PCDHGA12: variants seen among roughly 807,000 people sequenced by gnomAD.
PCDHGA12 encodes protocadherin gamma-A12.
A neutral mutation model predicts 61.1 loss-of-function variants in PCDHGA12; 43 were observed. The ratio of observed to expected loss-of-function variants is 0.70; its 90% confidence interval spans 0.55 to 0.91. The LOEUF (loss-of-function observed/expected upper bound fraction) is 0.91. Ranked by LOEUF, PCDHGA12 falls within the 40% of genes least tolerant of loss-of-function variation. The pLI is 0.00. For synonymous variants in PCDHGA12, 520 were observed against 542.9 expected (o/e 0.96, Z 0.59); for missense variants, 1,236 against 1,227.7 (o/e 1.01, Z -0.10).
Position 141,489,173 on chromosome 5 carries a change from C to T in PCDHGA12, c.2425-5634C>T. 8.3e-7 allele frequency: 1 copy of T among 1,208,434 alleles called. No individual in the cohort carries two copies. Among genetic ancestry groups the T allele is most frequent in the Non-Finnish European group, 1.2e-6 (1 of 860,944 alleles). The allele number at this position is 1,208,434 out of a possible 1,614,324, so 74.9% of individuals were successfully genotyped here. ...CATAAGAGACTTCAGCTGCTGCATTCCAAGCCCTGGGTCTACCTTGGAGAC... is the reference window on the plus strand; with the variant it reads ...CATAAGAGACTTCAGCTGCTGCATTTCAAGCCCTGGGTCTACCTTGGAGAC... On this transcript the variant is annotated intron_variant, in intron 1 of 3. Coordinates refer to ENST00000252085, the MANE Select transcript of PCDHGA12 (RefSeq NM_003735.3). The surrounding 1 kb of genome is among the most constrained non-coding windows in gnomAD (Gnocchi z 4.5).
chr5:141,451,322 T>C (rs1452969719), intron 1 of PCDHGA12, among the ~76,000 whole-genome samples: 1 of 152,236 alleles, frequency 6.6e-6, no homozygotes, highest in African/African-American at 2.4e-5. Flanking sequence ...AAGTGTCACC[T>C]AAGGCTATTG....
chr5:141,463,616 T>C (rs941383375), intron 1 of PCDHGA12, among the ~76,000 whole-genome samples: 28 of 151,762 alleles, frequency 1.8e-4, no homozygotes, highest in Non-Finnish European at 2.1e-4. Flanking sequence ...GCCCGGCTAA[T>C]TTTTTGTATT....
At position 141,455,301 on chromosome 5, in the gene PCDHGA12, T is replaced by G. The variant is rs192443408; in HGVS notation, c.2424+22118T>G. Among the ~76,000 whole-genome samples, 191 of 152,308 alleles carry G rather than the reference T, an allele frequency of 1.3e-3. 1 individual carries two copies. Among genetic ancestry groups the G allele is most frequent in the African/African-American group, 4.4e-3 (181 of 41,566 alleles). On this transcript the variant is annotated intron_variant, in intron 1 of 3. Transcript: ENST00000252085. ...AACATCACTTTACATAGTTTCATCT[T>G]GCATTAGCAATTTTGTGTGTGTGTT...
chr5:141,481,030 C>A (rs1277171839), intron 1 of PCDHGA12, among the ~76,000 whole-genome samples: 1 of 152,024 alleles, frequency 6.6e-6, no homozygotes, highest in African/African-American at 2.4e-5. Context: ...TGCACTCCAG[C>A]CTGGGCGACA....
intron 1 of PCDHGA12, among the ~76,000 whole-genome samples, chr5:141,438,828 A>T (rs1364963084): frequency 6.7e-6 from 1 of 149,956 alleles, no homozygotes; most frequent in Non-Finnish European, 1.5e-5. Context: ...TGCCCAGCTA[A>T]TTTTTTAAAA....
chr5:141,505,925 C>T (rs1161562658), intron 3 of PCDHGA12, among the ~76,000 whole-genome samples: 4 of 152,140 alleles, frequency 2.6e-5, no homozygotes, highest in Admixed American at 1.3e-4. Context: ...CTGGGCCTGG[C>T]GCTTGGAAGC....
At position 141,431,942 on chromosome 5, in the gene PCDHGA12, G is replaced by A. The variant is rs1284808063; in HGVS notation, c.1183G>A (p.Glu395Lys). 6.2e-7 allele frequency: 1 copy of A among 1,614,116 alleles called. No homozygotes were observed. The highest frequency in any genetic ancestry group is 2.2e-5 in the East Asian group (1 of 44,884). ...FIQGNLPFKL[E>K]KSYGNYYSLV... is the part of the protein sequence containing the mutation. ...CCAAGGAAATCTGCCCTTTAAATTA[G>A]AAAAATCTTACGGAAATTACTATAG... The change falls in exon 1 of 4, where the codon GAA (glutamate) becomes AAA (lysine). Residue 395 changes from glutamate (E) to lysine (K), a missense_variant. By Grantham distance (56) the Glu-to-Lys change is moderately conservative (BLOSUM62 1). Transcript: ENST00000252085. The surrounding 1 kb of genome is among the most constrained non-coding windows in gnomAD (Gnocchi z 4.8).
chr5:141,489,896 C>T lies in PCDHGA12; in HGVS notation c.2425-4911C>T, dbSNP rs765318875. 3 of 1,614,180 alleles carry T rather than the reference C, an allele frequency of 1.9e-6. No homozygotes were observed. The highest frequency in any genetic ancestry group is 1.3e-5 in the African/African-American group (1 of 75,066). On this transcript the variant is annotated intron_variant, in intron 1 of 3. Coordinates refer to ENST00000252085, the MANE Select transcript of PCDHGA12 (RefSeq NM_003735.3). The surrounding 1 kb of genome is among the most constrained non-coding windows in gnomAD (Gnocchi z 4.5). ...GTGCTTACTGCTGTGGATGGGGGGA[C>T]CCCAGCCCGCTCAGGGACCACCCTT...
chr5:141,477,884 G>A lies in PCDHGA12; in HGVS notation c.2425-16923G>A. On this transcript the variant is annotated intron_variant, in intron 1 of 3. Transcript: ENST00000252085. The surrounding 1 kb of genome is among the most constrained non-coding windows in gnomAD (Gnocchi z 4.9). ...TCGAGGTACCTCAGCTGGCCACCTA[G>A]TGTCACGGGTGGTAGGCTGGGACGC... 6.2e-7 allele frequency: 1 copy of A among 1,614,190 alleles called. No homozygotes were observed. The highest frequency in any genetic ancestry group is 8.5e-7 in the Non-Finnish European group (1 of 1,180,036).
At chr5:141,452,076 G>A (rs978382005) in intron 1 of PCDHGA12, among the ~76,000 whole-genome samples, 3 of 152,092 alleles carry the variant, frequency 2.0e-5, no homozygotes, top group Non-Finnish European at 2.9e-5. Flanking sequence ...TTATTAGTTG[G>A]CATTATACAG....
At position 141,477,262 on chromosome 5, in the gene PCDHGA12, C is replaced by G; in HGVS notation, c.2425-17545C>G. On this transcript the variant is annotated intron_variant, in intron 1 of 3. Coordinates refer to ENST00000252085, the MANE Select transcript of PCDHGA12 (RefSeq NM_003735.3). The surrounding 1 kb of genome is among the most constrained non-coding windows in gnomAD (Gnocchi z 4.9). ...TCAGTGTGACTGACCTGGATGCTGG[C>G]GAGAACGGGCTGGTGACCTGCGAAG... The G allele has an allele frequency of 6.2e-7, 1 of 1,614,138 alleles. No homozygotes were observed.
At chr5:141,488,083 C>T (rs917074240) in intron 1 of PCDHGA12, among the ~76,000 whole-genome samples, 1 of 152,152 alleles carries the variant, frequency 6.6e-6, no homozygotes, top group African/African-American at 2.4e-5. Context: ...GTATCTAGTA[C>T]ACTGTGAAGG....
chr5:141,443,207 C>T (rs907169095), intron 1 of PCDHGA12, among the ~76,000 whole-genome samples: 5 of 152,064 alleles, frequency 3.3e-5, no homozygotes, highest in African/African-American at 1.2e-4. Context: ...AAGAGCTTGT[C>T]TCGCCAGGCG....
chr5:141,467,874 G>T (rs926647135), intron 1 of PCDHGA12, among the ~76,000 whole-genome samples: 1 of 151,920 alleles, frequency 6.6e-6, no homozygotes, highest in Non-Finnish European at 1.5e-5. Context: ...GCCCAGGCTG[G>T]TCTCAAACTC....
rs756706355 is a variant in PCDHGA12 at position 141,486,950 on chromosome 5, G to A, written c.2425-7857G>A. On this transcript the variant is annotated intron_variant, in intron 1 of 3. Transcript: ENST00000252085. This position sits in a 1 kb window ranked among gnomAD's most constrained non-coding sequence, Gnocchi z 5.0. The stretch of plus-strand genomic sequence containing the variant: ...TGGTGCTGGCCACCTAATCACAAAG[G>A]TGACTGCTGTGGACTTGGATTCAGG... 2 of 1,614,202 alleles carry A rather than the reference G, an allele frequency of 1.2e-6. No homozygotes were observed. The highest frequency in any genetic ancestry group is 1.7e-6 in the Non-Finnish European group (2 of 1,180,044).
chr5:141,494,431 T>C (rs1403792155), intron 1 of PCDHGA12, among the ~76,000 whole-genome samples: 1 of 152,158 alleles, frequency 6.6e-6, no homozygotes, highest in Non-Finnish European at 1.5e-5. Context: ...TTGAAAAGCC[T>C]CCTTTGCCAC....
At chr5:141,435,875 T>C (rs1324511823) in intron 1 of PCDHGA12, among the ~76,000 whole-genome samples, 1 of 152,100 alleles carries the variant, frequency 6.6e-6, no homozygotes, top group African/African-American at 2.4e-5. Flanking sequence ...AGAAAAGAGA[T>C]TGGAAACCCC....
At chr5:141,484,478 A>G (rs2099596967) in intron 1 of PCDHGA12, among the ~76,000 whole-genome samples, 1 of 152,244 alleles carries the variant, frequency 6.6e-6, no homozygotes, top group Admixed American at 6.5e-5. Context: ...CTTTTCTGCA[A>G]AGAGATGGAT....
rs370503146 is a variant in PCDHGA12 at position 141,511,012 on chromosome 5, G to A, written c.2638G>A (p.Gly880Arg). 11 of 1,614,060 alleles carry A rather than the reference G, an allele frequency of 6.8e-6. No individual in the cohort carries two copies. Among genetic ancestry groups the A allele is most frequent in the Middle Eastern group, 1.6e-4 (1 of 6,084 alleles). ...AGTMGLSARYGPQFTLQHVPD... is the reference protein window; with the variant it reads ...AGTMGLSARYRPQFTLQHVPD... The stretch of plus-strand genomic sequence containing the variant: ...CACCATGGGATTGAGCGCCCGCTAC[G>A]GACCCCAGTTCACCCTGCAGCACGT... The change falls in exon 4 of 4, where the codon GGA (glycine) becomes AGA (arginine). Residue 880 changes from glycine (G) to arginine (R), a missense_variant. Transcript: ENST00000252085.
Sources: gnomAD v4.1 joint callset for allele counts (sites outside exome capture counted in the v4.1 genomes callset) on GRCh38, gnomAD v4.1.1 for gene constraint, Gnocchi (gnomAD v3.1) non-coding constraint, MANE v1.5 for transcripts, NCBI Gene and HGNC (gene_info 2026-07-23, HGNC 2026-07-21) for gene names.